Variants in DPYD observed in about 807,000 individuals in gnomAD.
The protein encoded by DPYD is dihydropyrimidine dehydrogenase [NADP(+)].
A neutral mutation model predicts 116.2 loss-of-function variants in DPYD; 109 were observed. The observed-to-expected ratio is 0.94, with a 90% CI of 0.80 to 1.10. The LOEUF (loss-of-function observed/expected upper bound fraction) is 1.10. DPYD is among the 50% of genes least tolerant of loss of function. The pLI is 0.00. For synonymous variants in DPYD, 440 were observed against 432.0 expected (o/e 1.02, Z -0.23); for missense variants, 1,302 against 1,254.5 (o/e 1.04, Z -0.57).
intron 10 of DPYD, among the ~76,000 whole-genome samples, chr1:97,575,386 T>C (rs376322577): frequency 3.4e-4 from 51 of 152,204 alleles, no homozygotes; most frequent in East Asian, 2.1e-3. Flanking sequence ...AGTATATCTA[T>C]GGTATTAAAA....
At position 97,206,660 on chromosome 1, in the gene DPYD, A is replaced by G. The variant is rs1352536044; in HGVS notation, c.2443-13412T>C. 1.4e-4 allele frequency among the ~76,000 whole-genome samples: 16 copies of G among 112,518 alleles called. 1 individual carries two copies. The highest frequency in any genetic ancestry group is 4.9e-4 in the African/African-American group (15 of 30,694). 73.8% of individuals were successfully genotyped at this position (112,518 alleles called of 152,430 possible). A position where few individuals can be genotyped will look rare whatever the true frequency, so the allele number is the denominator to read the frequency against. On this transcript the variant is annotated intron_variant, in intron 19 of 22. Transcript: ENST00000370192. ...ATTTTATATATATATATATATATAT[A>G]TATATATATATATATATATATATAT...
intron 1 of DPYD, among the ~76,000 whole-genome samples, chr1:97,894,220 G>A (rs1360773825): frequency 2.0e-5 from 3 of 151,820 alleles, no homozygotes; most frequent in Admixed American, 2.0e-4. Context: ...GGATGAGAAT[G>A]AGAGAAAGCT....
intron 19 of DPYD, among the ~76,000 whole-genome samples, chr1:97,219,663 C>T (rs183207245): frequency 3.3e-5 from 5 of 152,202 alleles, no homozygotes; most frequent in African/African-American, 1.2e-4. Context: ...AGGATAAAAA[C>T]CATTATTTAA....
chr1:97,158,266 A>C (rs774681064), intron 20 of DPYD, among the ~76,000 whole-genome samples: 6 of 152,072 alleles, frequency 3.9e-5, no homozygotes, highest in Admixed American at 3.9e-4. Flanking sequence ...GGCAGTACAC[A>C]GGATGGGAAT....
chr1:97,501,228 C>A (rs577077268), intron 13 of DPYD, among the ~76,000 whole-genome samples: 1 of 152,182 alleles, frequency 6.6e-6, no homozygotes, highest in Non-Finnish European at 1.5e-5. Context: ...AGAAGTCTAA[C>A]ATTAAAACTA....
intron 8 of DPYD, among the ~76,000 whole-genome samples, chr1:97,628,166 T>C (rs1317761243): frequency 6.6e-6 from 1 of 152,074 alleles, no homozygotes. Context: ...TGATAAGTAC[T>C]TGTTTCCTAG....
chr1:97,688,473 A>G (rs1660851490), intron 7 of DPYD, among the ~76,000 whole-genome samples: 1 of 152,032 alleles, frequency 6.6e-6, no homozygotes, highest in African/African-American at 2.4e-5. Context: ...AAACTTATAG[A>G]CGATATGAAG....
At chr1:97,850,457 C>T (rs1670514549) in intron 2 of DPYD, among the ~76,000 whole-genome samples, 1 of 152,110 alleles carries the variant, frequency 6.6e-6, no homozygotes, top group African/African-American at 2.4e-5. Flanking sequence ...ACATTATTCA[C>T]TTTTACAATG....
chr1:97,683,994 G>A (rs775099453), intron 7 of DPYD, among the ~76,000 whole-genome samples: 3 of 152,078 alleles, frequency 2.0e-5, no homozygotes, highest in Non-Finnish European at 2.9e-5. Flanking sequence ...AAATGAAAAT[G>A]AAGTAAGTTT....
chr1:97,635,427 C>A (rs928125361), intron 8 of DPYD, among the ~76,000 whole-genome samples: 1 of 152,088 alleles, frequency 6.6e-6, no homozygotes, highest in African/African-American at 2.4e-5. Flanking sequence ...GAATGTACTG[C>A]CTACTTCTCC....
In DPYD at chr1:97,225,560, GTT is replaced by G. The variant is rs59058167; in HGVS notation, c.2442+9290_2442+9291del. Among the ~76,000 whole-genome samples, 307 of 115,708 alleles carry G rather than the reference GTT, an allele frequency of 2.7e-3. 2 individuals carry two copies. The highest frequency in any genetic ancestry group is 7.3e-3 in the African/African-American group (240 of 32,798). The allele number at this position is 115,708 out of a possible 152,430, so 75.9% of individuals were successfully genotyped here. ...GAGTAAAAAATTTTGAAATCAGGTT[GTT>G]TTTTTTTTTTTTTTGCTTTTGAATT... On this transcript the variant is annotated intron_variant, in intron 19 of 22. Transcript: ENST00000370192.
chr1:97,116,705 T>A (rs1355662032), intron 20 of DPYD, among the ~76,000 whole-genome samples: 1 of 151,804 alleles, frequency 6.6e-6, no homozygotes, highest in Non-Finnish European at 1.5e-5. Flanking sequence ...TACAAATATA[T>A]AAATATACAA....
At chr1:97,619,220 T>C (rs1656486461) in intron 8 of DPYD, among the ~76,000 whole-genome samples, 1 of 152,208 alleles carries the variant, frequency 6.6e-6, no homozygotes, top group Non-Finnish European at 1.5e-5. Context: ...CATAAAATAT[T>C]TTCCTTTCTT....
rs547794979 is a variant in DPYD at position 97,383,144 on chromosome 1, G to A, written c.1906-683C>T. The stretch of plus-strand genomic sequence containing the variant: ...AGCAAAGTATTTAGTTTCCTGATTG[G>A]TAAAATATGAATAATCGTGCCACTT... On this transcript the variant is annotated intron_variant, in intron 14 of 22. Coordinates refer to ENST00000370192, the MANE Select transcript of DPYD (RefSeq NM_000110.4). 2.0e-5 allele frequency among the ~76,000 whole-genome samples: 3 copies of A among 152,142 alleles called. No homozygotes were observed. The South Asian group carries it at 6.2e-4, about 32-fold the overall frequency.
At chr1:97,288,278 G>A (rs892905822) in intron 18 of DPYD, among the ~76,000 whole-genome samples, 17 of 146,934 alleles carry the variant, frequency 1.2e-4, no homozygotes, top group African/African-American at 3.1e-4. Context: ...ACAGATCAAC[G>A]AGACAGAAAG....
At chr1:97,526,369 T>C (rs1277381006) in intron 12 of DPYD, among the ~76,000 whole-genome samples, 1 of 152,134 alleles carries the variant, frequency 6.6e-6, no homozygotes, top group Non-Finnish European at 1.5e-5. Context: ...ATGATTAATA[T>C]TGTGTAGGTC....
intron 18 of DPYD, among the ~76,000 whole-genome samples, chr1:97,257,464 A>AGAGAGAGAGAGAGAGAGAG (rs1557977908): frequency 1.4e-5 from 2 of 138,232 alleles, no homozygotes; most frequent in Non-Finnish European, 3.0e-5. Flanking sequence ...GAGAGAGAGA[A>AGAGAGAGAGAGAGAGAGAG]AGAGAGAGAG....
chr1:97,775,325 T>G (rs1666338293), intron 3 of DPYD, among the ~76,000 whole-genome samples: 1 of 152,198 alleles, frequency 6.6e-6, no homozygotes, highest in African/African-American at 2.4e-5. Flanking sequence ...GACAAAATTT[T>G]TCTATTATCT....
At chr1:97,287,891 A>G (rs1312378125) in intron 18 of DPYD, among the ~76,000 whole-genome samples, 1 of 152,140 alleles carries the variant, frequency 6.6e-6, no homozygotes, top group Non-Finnish European at 1.5e-5. Flanking sequence ...ACAGACTGGC[A>G]AATTAGATAA....
Sources: gnomAD v4.1 joint callset for allele counts (sites outside exome capture counted in the v4.1 genomes callset) on GRCh38, gnomAD v4.1.1 for gene constraint, MANE v1.5 for transcripts, NCBI Gene and HGNC (gene_info 2026-07-23, HGNC 2026-07-21) for gene names.